Variants in SLX4IP observed in about 807,000 individuals in gnomAD.
SLX4IP encodes the protein SLX4 interacting protein.
In SLX4IP, 34 loss-of-function variants were observed where a neutral mutation model predicts 32.9. The ratio of observed to expected loss-of-function variants is 1.03; its 90% CI spans 0.79 to 1.38. The LOEUF is 1.38. SLX4IP is among the 40% of genes most tolerant of loss of function. The pLI is 0.00. For synonymous variants in SLX4IP, 172 were observed against 171.7 expected (o/e 1.00, Z -0.01); for missense variants, 444 against 479.0 (o/e 0.93, Z 0.68).
At chr20:10,582,693 G>C (rs902409219) in intron 4 of SLX4IP, among the ~76,000 whole-genome samples, 1 of 152,160 alleles carries the variant, frequency 6.6e-6, no homozygotes, top group Non-Finnish European at 1.5e-5. Context: ...AGGAAGATAA[G>C]AGCTTTACAA....
At chr20:10,444,735 G>A (rs868615022) in intron 1 of SLX4IP, among the ~76,000 whole-genome samples, 54 of 152,260 alleles carry the variant, frequency 3.5e-4, no homozygotes, top group African/African-American at 1.2e-3. Context: ...ATAAGGTAGA[G>A]AGGCTGGGGA....
intron 4 of SLX4IP, among the ~76,000 whole-genome samples, chr20:10,591,966 T>C (rs1260812665): frequency 6.6e-6 from 1 of 152,178 alleles, no homozygotes; most frequent in African/African-American, 2.4e-5. Flanking sequence ...ACCTACAAAG[T>C]CAAAAGGGTG....
At chr20:10,621,577 A>G (rs1382796551) in intron 7 of SLX4IP, among the ~76,000 whole-genome samples, 163 bp downstream of exon 7, 5 of 152,126 alleles carry the variant, frequency 3.3e-5, no homozygotes, top group African/African-American at 1.2e-4. Flanking sequence ...TTTCTGGACA[A>G]TAGGGATAGA....
intron 2 of SLX4IP, among the ~76,000 whole-genome samples, chr20:10,517,216 C>G (rs2065858840): frequency 6.6e-6 from 1 of 152,224 alleles, no homozygotes; most frequent in Non-Finnish European, 1.5e-5. Context: ...ATCAAACCCT[C>G]ACAGGGTCAA....
At chr20:10,621,288 T>C (rs1432537661) in intron 6 of SLX4IP, 26 bp from the exon 7 acceptor site, 2 of 1,602,506 alleles carry the variant, frequency 1.2e-6, no homozygotes, top group Admixed American at 1.7e-5. Flanking sequence ...GATTTCTGGT[T>C]GAACCTTTGT....
At chr20:10,589,927 A>T (rs2066687233) in intron 4 of SLX4IP, among the ~76,000 whole-genome samples, 1 of 152,074 alleles carries the variant, frequency 6.6e-6, no homozygotes, top group South Asian at 2.1e-4. Flanking sequence ...GTTACTTTTA[A>T]TTAGGAAAAA....
chr20:10,507,293 T>G (rs1392843149), intron 2 of SLX4IP, among the ~76,000 whole-genome samples: 1 of 132,152 alleles, frequency 7.6e-6, no homozygotes, highest in East Asian at 2.2e-4. Context: ...TAGGTGGGAG[T>G]GCCCCAGGCA....
Position 10,626,083 on chromosome 20 carries a change from T to A in SLX4IP, c.*2704T>A, listed in dbSNP as rs1284106081. 1 of 147,860 alleles carries A rather than the reference T, an allele frequency of 6.8e-6. No homozygotes were observed. The highest frequency in any genetic ancestry group is 1.5e-5 in the Non-Finnish European group (1 of 67,076). The allele number at this position is 147,860 out of a possible 1,614,324, so 9.2% of individuals were successfully genotyped here. A position where few individuals can be genotyped will look rare whatever the true frequency, so the allele number is the denominator to read the frequency against. On this transcript the variant is annotated 3_prime_UTR_variant, in exon 8 of 8. Coordinates refer to ENST00000334534, the MANE Select transcript of SLX4IP (RefSeq NM_001009608.3). ...AGGCTGGAGTGCAGTGGGGCGATCT[T>A]GGCTCACTGCAAGCTCCGCCTCCTG...
At chr20:10,566,592 T>C (rs1243563647) in intron 4 of SLX4IP, among the ~76,000 whole-genome samples, 2 of 152,210 alleles carry the variant, frequency 1.3e-5, no homozygotes, top group Non-Finnish European at 2.9e-5. Context: ...CATGTTCTGC[T>C]GGTCGGAGCC....
At chr20:10,601,242 G>A (rs2066838125) in intron 5 of SLX4IP, among the ~76,000 whole-genome samples, 1 of 152,176 alleles carries the variant, frequency 6.6e-6, no homozygotes, top group African/African-American at 2.4e-5. Flanking sequence ...CTTCAGATTA[G>A]TAGTTTGCCC....
At chr20:10,457,102 G>T (rs1406342643) in intron 1 of SLX4IP, among the ~76,000 whole-genome samples, 3 of 151,996 alleles carry the variant, frequency 2.0e-5, no homozygotes, top group African/African-American at 7.2e-5. Flanking sequence ...ATTAATTCTA[G>T]TAGTTTTTTG....
At chr20:10,562,350 C>T (rs371276367) in intron 4 of SLX4IP, among the ~76,000 whole-genome samples, 79 of 152,198 alleles carry the variant, frequency 5.2e-4, no homozygotes, top group African/African-American at 1.8e-3. Context: ...GTGGTCTTCC[C>T]CTGGAGTTGG....
At chr20:10,550,767 TG>T (rs1235924754) in intron 2 of SLX4IP, among the ~76,000 whole-genome samples, 1 of 152,220 alleles carries the variant, frequency 6.6e-6, no homozygotes, top group African/African-American at 2.4e-5. Flanking sequence ...TTTCTCTGCA[TG>T]GGGCGTTATT....
chr20:10,562,854 G>T (rs960051067), intron 4 of SLX4IP, among the ~76,000 whole-genome samples: 3 of 152,132 alleles, frequency 2.0e-5, no homozygotes, highest in African/African-American at 7.2e-5. Flanking sequence ...CTTAGCTATT[G>T]TGAGTAGCAC....
intron 2 of SLX4IP, 41 bp from the exon 3 acceptor site, chr20:10,556,190 T>G: frequency 7.7e-6 from 12 of 1,559,576 alleles, no homozygotes; most frequent in South Asian, 2.4e-5. Context: ...TTGCTGGGCA[T>G]GAGCCGCACA....
At chr20:10,505,497 G>A (rs1484229544) in intron 2 of SLX4IP, among the ~76,000 whole-genome samples, 1 of 152,194 alleles carries the variant, frequency 6.6e-6, no homozygotes, top group African/African-American at 2.4e-5. Flanking sequence ...CCCCTCCTCT[G>A]GTGAGTGCTC....
At position 10,623,358 on chromosome 20, in the gene SLX4IP, G is replaced by T; in HGVS notation, c.1206G>T (p.Lys402Asn). 2 of 1,611,252 alleles carry T rather than the reference G, an allele frequency of 1.2e-6. No homozygotes were observed. The highest frequency in any genetic ancestry group is 1.1e-5 in the South Asian group (1 of 90,828). ...AGAACAGCCCAACCAAGAAAAGAAA[G>T]AAATACGAAAGAGGCCATTAACACC... The part of the protein sequence containing the change: ...TIQNSPTKKR[K>N]KYERGH Residue 402 changes from lysine (K) to asparagine (N), a missense_variant, in exon 8 of 8, where the codon AAG (lysine) becomes AAT (asparagine). Coordinates refer to ENST00000334534, the MANE Select transcript of SLX4IP (RefSeq NM_001009608.3).
chr20:10,495,132 C>G (rs923664885), intron 2 of SLX4IP, among the ~76,000 whole-genome samples: 1 of 151,992 alleles, frequency 6.6e-6, no homozygotes, highest in Non-Finnish European at 1.5e-5. Context: ...AATGAAAATA[C>G]GTATATGACT....
At chr20:10,537,961 A>T (rs2122473837) in intron 2 of SLX4IP, among the ~76,000 whole-genome samples, 1 of 152,304 alleles carries the variant, frequency 6.6e-6, no homozygotes, top group South Asian at 2.1e-4. Context: ...GCTAACAGTG[A>T]TATAAGAATG....
Sources: gnomAD v4.1 joint callset for allele counts (sites outside exome capture counted in the v4.1 genomes callset) on GRCh38, gnomAD v4.1.1 for gene constraint, MANE v1.5 for transcripts, NCBI Gene and HGNC (gene_info 2026-07-23, HGNC 2026-07-21) for gene names.